Variants in CSMD1 observed in about 807,000 individuals in gnomAD.
CSMD1 encodes the protein CUB and Sushi multiple domains 1, also known as CUB and sushi domain-containing protein 1.
A neutral mutation model predicts 417.5 loss-of-function variants in CSMD1; 213 were observed. The ratio of observed to expected loss-of-function variants is 0.51; its 90% CI spans 0.46 to 0.57. The LOEUF (loss-of-function observed/expected upper bound fraction) is 0.57. Ranked by LOEUF, CSMD1 falls within the 20% of genes least tolerant of loss-of-function variation. CSMD1 has a pLI of 0.00. For synonymous variants in CSMD1, 2,862 were observed against 1,736.8 expected (o/e 1.65, Z -16.11); for missense variants, 6,923 against 4,529.7 (o/e 1.53, Z -15.17).
intron 3 of CSMD1, among the ~76,000 whole-genome samples, chr8:4,055,776 C>G (rs1359366790): frequency 1.3e-5 from 2 of 152,064 alleles, no homozygotes; most frequent in African/African-American, 2.4e-5. Flanking sequence ...TATAAACAAA[C>G]AAGACTCTTC....
chr8:4,850,960 T>C (rs1363033002), intron 1 of CSMD1, among the ~76,000 whole-genome samples: 1 of 150,630 alleles, frequency 6.6e-6, no homozygotes, highest in African/African-American at 2.4e-5. Context: ...CTTTTTTTAA[T>C]ATATACACTT....
At chr8:4,279,690 A>G (rs1013454642) in intron 3 of CSMD1, among the ~76,000 whole-genome samples, 2 of 152,196 alleles carry the variant, frequency 1.3e-5, no homozygotes, top group African/African-American at 4.8e-5. Context: ...CCAACTTTGA[A>G]TGTGCATTTT....
intron 1 of CSMD1, among the ~76,000 whole-genome samples, chr8:4,910,299 A>G (rs1335914877): frequency 1.3e-5 from 2 of 152,242 alleles, no homozygotes; most frequent in Non-Finnish European, 2.9e-5. Context: ...ATCTTGATTT[A>G]TACAACTTTA....
At chr8:4,603,716 T>C (rs1055676380) in intron 2 of CSMD1, among the ~76,000 whole-genome samples, 1 of 152,180 alleles carries the variant, frequency 6.6e-6, no homozygotes, top group South Asian at 2.1e-4. Context: ...AATGTTGGCT[T>C]GTATGCTAAT....
At chr8:3,895,693 T>G (rs568571438) in intron 5 of CSMD1, among the ~76,000 whole-genome samples, 2 of 152,346 alleles carry the variant, frequency 1.3e-5, no homozygotes, top group South Asian at 4.1e-4. Context: ...AGTATTTGTA[T>G]TTAGTTCCTA....
At chr8:4,419,871 G>A in intron 3 of CSMD1, 82 bp downstream of exon 3, 8 of 977,924 alleles carry the variant, frequency 8.2e-6, no homozygotes, top group Non-Finnish European at 1.3e-5. Context: ...TAGCAGCCTA[G>A]TTTGTCATTA....
chr8:4,254,667 C>A (rs143256030), intron 3 of CSMD1, among the ~76,000 whole-genome samples: 6 of 152,126 alleles, frequency 3.9e-5, no homozygotes, highest in African/African-American at 1.2e-4. Context: ...GACAGGTGTA[C>A]CATTCTTACG....
At chr8:4,850,794 T>C (rs1801429352) in intron 1 of CSMD1, among the ~76,000 whole-genome samples, 1 of 152,124 alleles carries the variant, frequency 6.6e-6, no homozygotes, top group Non-Finnish European at 1.5e-5. Flanking sequence ...CCTATTATTT[T>C]ACCCAAACTG....
chr8:3,310,059 T>C (rs76610172), intron 23 of CSMD1, among the ~76,000 whole-genome samples: 2,608 of 152,260 alleles, frequency 0.017, 32 homozygotes, highest in Non-Finnish European at 0.026. Flanking sequence ...GAAGAGTGTA[T>C]CCATCTTGGT....
At chr8:4,033,122 T>A (rs1330697859) in intron 3 of CSMD1, among the ~76,000 whole-genome samples, 2 of 113,494 alleles carry the variant, frequency 1.8e-5, no homozygotes, top group Non-Finnish European at 3.4e-5. Flanking sequence ...GCAATTAATT[T>A]CCAATATGAA....
At chr8:4,462,802 A>G (rs1799915586) in intron 2 of CSMD1, among the ~76,000 whole-genome samples, 1 of 150,182 alleles carries the variant, frequency 6.7e-6, no homozygotes, top group African/African-American at 2.5e-5. Context: ...CCTTCCTTAC[A>G]CTATCCACAA....
At position 4,438,847 on chromosome 8, in the gene CSMD1, T is replaced by C. The variant is rs143302379; in HGVS notation, c.303-18782A>G. On this transcript the variant is annotated intron_variant, in intron 2 of 69. Coordinates refer to ENST00000635120, the MANE Select transcript of CSMD1 (RefSeq NM_033225.6). ...ATTCTCAAAATTGAAAGGTGTATTA[T>C]CTGAATCTGTATCACGTTCCCTTGA... is the stretch of plus-strand genomic sequence containing the variant. Among the ~76,000 whole-genome samples the C allele has an allele frequency of 9.6e-4, 147 of 152,334 alleles. 1 individual carries two copies. Among genetic ancestry groups the C allele is most frequent in the Non-Finnish European group, 1.9e-3 (126 of 68,030 alleles).
At chr8:3,707,020 A>T (rs774377576) in intron 7 of CSMD1, among the ~76,000 whole-genome samples, 1 of 151,706 alleles carries the variant, frequency 6.6e-6, no homozygotes, top group Non-Finnish European at 1.5e-5. Context: ...GAAGTGGGAG[A>T]CACCTAAGAC....
chr8:3,874,571 G>A (rs1423226855), intron 5 of CSMD1, among the ~76,000 whole-genome samples: 2 of 152,146 alleles, frequency 1.3e-5, no homozygotes, highest in African/African-American at 4.8e-5. Context: ...TGCTGCCTCT[G>A]TGATGGAGAT....
intron 5 of CSMD1, among the ~76,000 whole-genome samples, chr8:3,860,540 G>C (rs1305454100): frequency 6.6e-6 from 1 of 151,984 alleles, no homozygotes; most frequent in African/African-American, 2.4e-5. Flanking sequence ...CTGGTGGCCT[G>C]GATTTACCAA....
At chr8:3,781,282 A>G (rs1293352509) in intron 5 of CSMD1, among the ~76,000 whole-genome samples, 1 of 152,162 alleles carries the variant, frequency 6.6e-6, no homozygotes, top group East Asian at 1.9e-4. Context: ...TGCCGAGAGA[A>G]TATGGTATGA....
rs139313267 is a variant in CSMD1 at position 3,951,411 on chromosome 8, A to C, written c.818+46492T>G. Reference sequence around the variant, plus strand: ...TGAATGCAAAAGGCATTTGGGGCAGAATGTAACTTAAACTCTGTTCATTAG... The same window carrying C: ...TGAATGCAAAAGGCATTTGGGGCAGCATGTAACTTAAACTCTGTTCATTAG... On this transcript the variant is annotated intron_variant, in intron 5 of 69. Coordinates refer to ENST00000635120, the MANE Select transcript of CSMD1 (RefSeq NM_033225.6). 4.7e-4 allele frequency among the ~76,000 whole-genome samples: 72 copies of C among 152,352 alleles called. 1 individual carries two copies. In the East Asian group the frequency reaches 0.012, roughly 26 times the overall value.
At chr8:4,121,101 ATTTATT>A (rs888103116) in intron 3 of CSMD1, among the ~76,000 whole-genome samples, 2 of 150,774 alleles carry the variant, frequency 1.3e-5, no homozygotes, top group African/African-American at 2.5e-5. Context: ...TTTATTTTTT[ATTTATT>A]TTTATTTTTA....
At chr8:4,101,362 C>T (rs1404747336) in intron 3 of CSMD1, among the ~76,000 whole-genome samples, 1 of 152,160 alleles carries the variant, frequency 6.6e-6, no homozygotes, top group Non-Finnish European at 1.5e-5. Context: ...ACCAATACCA[C>T]ATTCCATCTG....
Sources: allele counts gnomAD v4.1 joint callset (sites outside exome capture counted in the v4.1 genomes callset), GRCh38; gene constraint gnomAD v4.1.1; transcripts MANE v1.5; gene names NCBI Gene and HGNC (gene_info 2026-07-23, HGNC 2026-07-21).